KLHL32: variants seen among roughly 807,000 people sequenced by gnomAD.
KLHL32 encodes kelch like family member 32, also known as kelch-like protein 32.
A neutral mutation model predicts 64.8 loss-of-function variants in KLHL32; 35 were observed. The ratio of observed to expected loss-of-function variants is 0.54; its 90% CI spans 0.41 to 0.72. KLHL32 has a LOEUF of 0.72. Among genes scored for constraint, KLHL32 ranks in the 30% least tolerant of loss-of-function variants. KLHL32 has a pLI of 0.00. For missense variants in KLHL32, 589 were observed against 768.5 expected (o/e 0.77, Z 2.76); for synonymous variants, 259 against 281.0 (o/e 0.92, Z 0.78).
intron 1 of KLHL32, among the ~76,000 whole-genome samples, chr6:96,927,580 T>G (rs1044645053): frequency 1.3e-5 from 2 of 152,232 alleles, no homozygotes; most frequent in East Asian, 3.8e-4. Context: ...GAGTGTCATT[T>G]TATTTACATT....
chr6:97,130,870 C>G lies in KLHL32; in HGVS notation c.1527C>G (p.Asp509Glu), dbSNP rs767030751. 7 of 1,614,076 alleles carry G rather than the reference C, an allele frequency of 4.3e-6. No homozygotes were observed. The highest frequency in any genetic ancestry group is 5.9e-6 in the Non-Finnish European group (7 of 1,179,962). The change falls in exon 9 of 11, where the codon GAC becomes GAG. Residue 509 changes from aspartate (D) to glutamate (E), a missense_variant. Physicochemically the swap from Asp to Glu is conservative, Grantham distance 45 (BLOSUM62 2). This residue lies in a region of KLHL32 where 172 missense variants were observed against 192.0 expected (regional missense o/e 0.90). Coordinates refer to ENST00000369261, the MANE Select transcript of KLHL32 (RefSeq NM_052904.4). ...GCAATGACCTAGACTACAATAATGACCGGATCCTTGTGCGCCATATAGATT... is the reference window on the plus strand; with the variant it reads ...GCAATGACCTAGACTACAATAATGAGCGGATCCTTGTGCGCCATATAGATT... ...LGGNDLDYNN[D>E]RILVRHIDSY...
At position 97,114,294 on chromosome 6, in the gene KLHL32, A is replaced by C. The variant is rs1797583657; in HGVS notation, c.1139A>C (p.Glu380Ala). 4 of 1,614,166 alleles carry C rather than the reference A, an allele frequency of 2.5e-6. No homozygotes were observed. The highest frequency in any genetic ancestry group is 3.4e-6 in the Non-Finnish European group (4 of 1,180,022). The change falls in exon 7 of 11, where the codon GAG (glutamate) becomes GCG (alanine). Residue 380 changes from glutamate to alanine, a missense_variant. Around this residue, in one of 3 missense-constraint regions of KLHL32, gnomAD observed 226 missense variants for 353.2 expected, o/e 0.64. Transcript: ENST00000369261. ...GACCCCCGCAGTAATTCCTGGGCAGAGATAGCACCCATGAAAAACTGCCGG... is the reference window on the plus strand; with the variant it reads ...GACCCCCGCAGTAATTCCTGGGCAGCGATAGCACCCATGAAAAACTGCCGG... ...RYDPRSNSWA[E>A]IAPMKNCREH...
chr6:97,030,387 T>C (rs549611666), intron 3 of KLHL32, among the ~76,000 whole-genome samples: 5 of 152,202 alleles, frequency 3.3e-5, no homozygotes, highest in Non-Finnish European at 2.9e-5. Context: ...ATCACTTCTG[T>C]GTGAAATAAA....
chr6:96,923,506 A>G (rs1768829555), upstream of KLHL32, among the ~76,000 whole-genome samples: 2 of 152,192 alleles, frequency 1.3e-5, no homozygotes, highest in South Asian at 4.1e-4. Flanking sequence ...GCGTCCAGAT[A>G]TCAAAACCAT....
At chr6:96,931,663 TAAGA>T (rs1468838403) in intron 1 of KLHL32, among the ~76,000 whole-genome samples, 1 of 152,184 alleles carries the variant, frequency 6.6e-6, no homozygotes, top group African/African-American at 2.4e-5. Flanking sequence ...ATACCTAAAA[TAAGA>T]AAGACAAGTT....
chr6:96,925,398 T>A (rs1325342292), intron 1 of KLHL32, among the ~76,000 whole-genome samples: 1 of 152,246 alleles, frequency 6.6e-6, no homozygotes, highest in South Asian at 2.1e-4. Flanking sequence ...ATTTGGCATT[T>A]GTTAATCTGT....
chr6:96,997,689 T>C (rs1314075783), intron 3 of KLHL32, among the ~76,000 whole-genome samples: 1 of 152,058 alleles, frequency 6.6e-6, no homozygotes, highest in East Asian at 1.9e-4. Context: ...TAGTGAGCCA[T>C]GATTACACCA....
chr6:96,972,840 CT>C (rs1287191232), intron 2 of KLHL32, among the ~76,000 whole-genome samples: 6 of 152,142 alleles, frequency 3.9e-5, no homozygotes, highest in Non-Finnish European at 8.8e-5. Flanking sequence ...GCATTACAGT[CT>C]TCGATTTATC....
chr6:97,010,829 T>C (rs1252458605), intron 3 of KLHL32, among the ~76,000 whole-genome samples: 1 of 152,230 alleles, frequency 6.6e-6, no homozygotes, highest in Non-Finnish European at 1.5e-5. Context: ...TTTCTTTTTT[T>C]CCTAAGTAGT....
At chr6:96,950,085 A>ATCT (rs1772389309) in intron 1 of KLHL32, among the ~76,000 whole-genome samples, 1 of 152,168 alleles carries the variant, frequency 6.6e-6, no homozygotes, top group African/African-American at 2.4e-5. Context: ...TAATTTAAAA[A>ATCT]TTAAAATGAA....
intron 4 of KLHL32, among the ~76,000 whole-genome samples, chr6:97,045,554 C>T (rs921148184): frequency 2.0e-5 from 3 of 152,090 alleles, no homozygotes; most frequent in African/African-American, 7.2e-5. Flanking sequence ...ATGGTTTAAG[C>T]TTAGAGGCAA....
At chr6:97,082,463 A>T (rs1370378049) in intron 5 of KLHL32, among the ~76,000 whole-genome samples, 1 of 151,962 alleles carries the variant, frequency 6.6e-6, no homozygotes, top group African/African-American at 2.4e-5. Flanking sequence ...AATACAGAAA[A>T]TTAGCCGGGC....
At chr6:96,956,279 G>C (rs1439162933) in intron 1 of KLHL32, among the ~76,000 whole-genome samples, 1 of 152,164 alleles carries the variant, frequency 6.6e-6, no homozygotes, top group African/African-American at 2.4e-5. Flanking sequence ...ATATCAGAAA[G>C]TTTCATTTTT....
intron 9 of KLHL32, among the ~76,000 whole-genome samples, chr6:97,132,071 A>G (rs1799501044): frequency 6.6e-6 from 1 of 152,168 alleles, no homozygotes; most frequent in African/African-American, 2.4e-5. Context: ...TTGGCGTGTC[A>G]GCATCTAGGG....
chr6:97,113,344 T>C (rs1797418638), intron 6 of KLHL32, among the ~76,000 whole-genome samples: 1 of 152,136 alleles, frequency 6.6e-6, no homozygotes, highest in African/African-American at 2.4e-5. Flanking sequence ...ACGTTACTCA[T>C]ATTGATACAG....
intron 1 of KLHL32, among the ~76,000 whole-genome samples, chr6:96,943,787 C>G (rs1771618456): frequency 6.6e-6 from 1 of 152,178 alleles, no homozygotes; most frequent in African/African-American, 2.4e-5. Context: ...ACACTTGCCC[C>G]AGCCATCTGG....
chr6:96,922,942 C>T (rs1768798079), upstream of KLHL32, among the ~76,000 whole-genome samples: 1 of 152,160 alleles, frequency 6.6e-6, no homozygotes, highest in East Asian at 1.9e-4. Flanking sequence ...AGACATTTTA[C>T]TAGGCATTTA....
In KLHL32 at chr6:97,055,796, T is replaced by TAAAAAAAAAAAAA. The variant is rs750242567; in HGVS notation, c.313-8818_313-8806dup. ...CGAGGTAACAGACTGAGAACCTGTCTAAAAAAAAAAAAAAAAAAAAAAAAA... is the reference window on the plus strand; with the variant it reads ...CGAGGTAACAGACTGAGAACCTGTCTAAAAAAAAAAAAAAAAAAAAAAAAAAAAAAAAAAAAAA... On this transcript the variant is annotated intron_variant, in intron 4 of 10. Transcript: ENST00000369261. Among the ~76,000 whole-genome samples the TAAAAAAAAAAAAA allele has an allele frequency of 4.4e-3, 355 of 80,982 alleles. 55 individuals carry two copies. Among genetic ancestry groups the TAAAAAAAAAAAAA allele is most frequent in the Middle Eastern group, 7.7e-3 (1 of 130 alleles). 53.1% of individuals were successfully genotyped at this position (80,982 alleles called of 152,430 possible).
Position 97,037,051 on chromosome 6 carries a change from T to C in KLHL32, c.205-4441T>C, listed in dbSNP as rs1784403910. The stretch of plus-strand genomic sequence containing the variant: ...GTAAATTTCTGAAAGTTAAGTACAT[T>C]ATGAATGTTAGCTTTTTAATATATC... On this transcript the variant is annotated intron_variant, in intron 3 of 10. Transcript: ENST00000369261. Among the ~76,000 whole-genome samples, 3 of 152,210 alleles carry C rather than the reference T, an allele frequency of 2.0e-5. No homozygotes were observed. The South Asian group carries it at 6.2e-4, about 31-fold the overall frequency.
Sources: gnomAD v4.1 joint callset for allele counts (sites outside exome capture counted in the v4.1 genomes callset) on GRCh38, gnomAD v4.1.1 for gene constraint, gnomAD v4.1.1 regional missense constraint, MANE v1.5 for transcripts, NCBI Gene and HGNC (gene_info 2026-07-23, HGNC 2026-07-21) for gene names.